TMPRSS11D: variants seen among roughly 807,000 people sequenced by gnomAD.
The protein encoded by TMPRSS11D is transmembrane protease serine 11D.
In TMPRSS11D, 32 loss-of-function variants were observed where a neutral mutation model predicts 44.4. The observed-to-expected ratio is 0.72, with a 90% CI of 0.54 to 0.97. TMPRSS11D has a LOEUF of 0.97. TMPRSS11D is among the 50% of genes least tolerant of loss of function. The pLI is 0.00. For synonymous variants in TMPRSS11D, 179 were observed against 177.9 expected, an observed-to-expected ratio of 1.01 and a Z score of -0.05; for missense variants, 446 against 502.6, an observed-to-expected ratio of 0.89 and a Z score of 1.08.
intron 7 of TMPRSS11D, among the ~76,000 whole-genome samples, chr4:67,832,420 A>T (rs17088683): frequency 0.43 from 65,658 of 151,812 alleles, 16,787 homozygotes; most frequent in South Asian, 0.63. Context: ...TCCTTCTTTT[A>T]TGAGCAATGT....
intron 1 of TMPRSS11D, among the ~76,000 whole-genome samples, chr4:67,877,967 C>A (rs1345831591): frequency 1.3e-5 from 2 of 152,118 alleles, no homozygotes; most frequent in Non-Finnish European, 1.5e-5. Context: ...ATGTAACAAA[C>A]CTGCACATTC....
At chr4:67,829,327 T>C (rs899261377) in intron 7 of TMPRSS11D, among the ~76,000 whole-genome samples, 1 of 151,970 alleles carries the variant, frequency 6.6e-6, no homozygotes, top group African/African-American at 2.4e-5. Context: ...TTTTATTTTA[T>C]CTTTTAATTT....
At chr4:67,875,275 G>A (rs569474967) in intron 1 of TMPRSS11D, among the ~76,000 whole-genome samples, 140 of 152,282 alleles carry the variant, frequency 9.2e-4, no homozygotes, top group African/African-American at 3.3e-3. Context: ...CAGGGTGAAA[G>A]GGGAAAGCTG....
rs1404396548 is a variant in TMPRSS11D at position 67,827,300 on chromosome 4, T to C, written c.913A>G (p.Thr305Ala). Residue 305 changes from threonine (T) to alanine (A), a missense_variant, in exon 8 of 10, where the codon ACT (threonine) becomes GCT (alanine). Transcript: ENST00000283916. ...AATQNIPPGSTAYVTGWGAQE... is the reference protein window; with the variant it reads ...AATQNIPPGSAAYVTGWGAQE... ...GCGCCCCATCCTGTTACATAAGCAGTAGAGCCAGGTGGAATATTCTGGGTA... is the reference window on the plus strand; with the variant it reads ...GCGCCCCATCCTGTTACATAAGCAGCAGAGCCAGGTGGAATATTCTGGGTA... 6.2e-7 allele frequency: 1 copy of C among 1,612,972 alleles called. No individual in the cohort carries two copies. Among genetic ancestry groups the C allele is most frequent in the Non-Finnish European group, 8.5e-7 (1 of 1,179,476 alleles).
At chr4:67,863,328 C>CAAAAAAAAAAAAAAAAAAAAAAAAAAAA (rs561420216) in intron 1 of TMPRSS11D, among the ~76,000 whole-genome samples, 1 of 89,198 alleles carries the variant, frequency 1.1e-5, no homozygotes, top group African/African-American at 3.3e-5. Flanking sequence ...TGGTCTTGCT[C>CAAAAAAAAAAAAAAAAAAAAAAAAAAAA]AAAAAAAAAA....
chr4:67,830,855 C>T (rs1187869774), intron 7 of TMPRSS11D, among the ~76,000 whole-genome samples: 2 of 152,022 alleles, frequency 1.3e-5, no homozygotes, highest in Admixed American at 1.3e-4. Flanking sequence ...TAATTAATAG[C>T]TCTGGGGTTT....
chr4:67,867,238 ACC>A (rs1718947892), intron 1 of TMPRSS11D, among the ~76,000 whole-genome samples: 1 of 152,006 alleles, frequency 6.6e-6, no homozygotes, highest in Non-Finnish European at 1.5e-5. Flanking sequence ...GGGAAAGGAC[ACC>A]CCATTTAATA....
Position 67,875,980 on chromosome 4 carries a change from G to A in TMPRSS11D, c.8+7946C>T, listed in dbSNP as rs117942563. On this transcript the variant is annotated intron_variant, in intron 1 of 9. Coordinates refer to ENST00000283916, the MANE Select transcript of TMPRSS11D (RefSeq NM_004262.3). ...CTGTCTACCTTGTGAATCTTGCCAT[G>A]GAATCTAATACTGGCACAAAGAGTC... is the stretch of plus-strand genomic sequence containing the variant. Among the ~76,000 whole-genome samples the A allele has an allele frequency of 3.2e-4, 49 of 152,268 alleles. No individual in the cohort carries two copies. In the East Asian group the frequency reaches 4.2e-3, roughly 13 times the overall value.
intron 1 of TMPRSS11D, among the ~76,000 whole-genome samples, chr4:67,867,435 C>T (rs1029629902): frequency 5.9e-5 from 9 of 151,904 alleles, no homozygotes; most frequent in Admixed American, 3.9e-4. Context: ...GAATTTATGA[C>T]GAAGTCCTCA....
intron 7 of TMPRSS11D, 93 bp from the exon 8 acceptor site, chr4:67,827,613 G>C: frequency 1.5e-6 from 2 of 1,321,082 alleles, no homozygotes; most frequent in Non-Finnish European, 2.0e-6. Flanking sequence ...CCACTATCTA[G>C]AAACTATTGG....
chr4:67,861,045 A>G (rs1350671560), intron 1 of TMPRSS11D, among the ~76,000 whole-genome samples: 1 of 152,174 alleles, frequency 6.6e-6, no homozygotes, highest in African/African-American at 2.4e-5. Flanking sequence ...ACACTTTATA[A>G]AAATTGACCA....
intron 1 of TMPRSS11D, among the ~76,000 whole-genome samples, chr4:67,862,206 T>G (rs746679312): frequency 6.6e-6 from 1 of 152,148 alleles, no homozygotes; most frequent in Non-Finnish European, 1.5e-5. Context: ...TGCCAGGCAT[T>G]GTACAAGTAC....
Position 67,820,883 on chromosome 4 carries a change from A to T in TMPRSS11D, c.*1454T>A, listed in dbSNP as rs1447150311. 6.6e-6 allele frequency: 1 copy of T among 152,242 alleles called. No individual in the cohort carries two copies. Among genetic ancestry groups the T allele is most frequent in the African/African-American group, 2.4e-5 (1 of 41,464 alleles). 9.4% of individuals were successfully genotyped at this position (152,242 alleles called of 1,614,324 possible). Reference sequence around the variant, plus strand: ...AATAATTAGGCAGGGAAATTATTTTAAAAAGAATTTATTTGAAATAAAGTA... The same window carrying T: ...AATAATTAGGCAGGGAAATTATTTTTAAAAGAATTTATTTGAAATAAAGTA... On this transcript the variant is annotated 3_prime_UTR_variant, in exon 10 of 10. Transcript: ENST00000283916.
At chr4:67,862,074 A>G (rs1206301253) in intron 1 of TMPRSS11D, among the ~76,000 whole-genome samples, 1 of 152,146 alleles carries the variant, frequency 6.6e-6, no homozygotes, top group Non-Finnish European at 1.5e-5. Flanking sequence ...CAGCAAAGCA[A>G]ATATTCTATT....
intron 9 of TMPRSS11D, among the ~76,000 whole-genome samples, chr4:67,825,485 A>C (rs1378274168): frequency 6.6e-6 from 1 of 152,050 alleles, no homozygotes; most frequent in Non-Finnish European, 1.5e-5. Flanking sequence ...ATTCAAATCG[A>C]GGTCTTTCTG....
chr4:67,852,088 A>G (rs72849525), intron 3 of TMPRSS11D, among the ~76,000 whole-genome samples: 1,581 of 152,306 alleles, frequency 0.01, 26 homozygotes, highest in African/African-American at 0.036. Context: ...TAGTTTGACT[A>G]TGCCTCTGCC....
At position 67,857,809 on chromosome 4, in the gene TMPRSS11D, A is replaced by T. The variant is rs566844019; in HGVS notation, c.130+1748T>A. On this transcript the variant is annotated intron_variant, in intron 2 of 9. Coordinates refer to ENST00000283916, the MANE Select transcript of TMPRSS11D (RefSeq NM_004262.3). The stretch of plus-strand genomic sequence containing the variant: ...GTTTTATTGTTTAATAGCAGAGCAG[A>T]GTGAAGTTAACAACAATCTATTATG... Among the ~76,000 whole-genome samples the T allele has an allele frequency of 7.0e-4, 107 of 152,266 alleles. 1 individual carries two copies. The highest frequency in any genetic ancestry group is 2.6e-3 in the Admixed American group (40 of 15,288).
At position 67,821,400 on chromosome 4, in the gene TMPRSS11D, T is replaced by G. The variant is rs1717636105; in HGVS notation, c.*937A>C. 6.6e-6 allele frequency: 1 copy of G among 152,170 alleles called. No homozygotes were observed. Among genetic ancestry groups the G allele is most frequent in the African/African-American group, 2.4e-5 (1 of 41,442 alleles). The allele number at this position is 152,170 out of a possible 1,614,324, so 9.4% of individuals were successfully genotyped here. A position where few individuals can be genotyped will look rare whatever the true frequency, so the allele number is the denominator to read the frequency against. ...CCCCCTCTTTAAACTTTCAATTCGT[T>G]ACTTAGATTTAGCGTTTGACGACCC... On this transcript the variant is annotated 3_prime_UTR_variant, in exon 10 of 10. Transcript: ENST00000283916.
intron 6 of TMPRSS11D, 121 bp from the exon 7 acceptor site, chr4:67,833,502 C>T: frequency 1.1e-6 from 1 of 937,398 alleles, no homozygotes; most frequent in Non-Finnish European, 1.5e-6. Flanking sequence ...TCAGGACATG[C>T]TGGATTTTCC....
Sources: allele counts gnomAD v4.1 joint callset (sites outside exome capture counted in the v4.1 genomes callset), GRCh38; gene constraint gnomAD v4.1.1; transcripts MANE v1.5; gene names NCBI Gene and HGNC (gene_info 2026-07-23, HGNC 2026-07-21).